Variants in HEMK2 observed in about 807,000 individuals in gnomAD.
The protein encoded by HEMK2 is methyltransferase HEMK2.
chr21:28,751,157 G>A, the HEMK2 span, among the ~76,000 whole-genome samples: 1 of 150,892 alleles, frequency 6.6e-6, no homozygotes. Flanking sequence ...TGTGAACCCG[G>A]GAGGCGGAGC....
chr21:28,809,697 T>C, the HEMK2 span, among the ~76,000 whole-genome samples: 8 of 152,332 alleles, frequency 5.3e-5, no homozygotes, highest in East Asian at 7.7e-4. Context: ...ATTTCTGCTA[T>C]GTGGATGAAA....
chr21:28,774,674 T>A, the HEMK2 span, among the ~76,000 whole-genome samples: 17 of 152,322 alleles, frequency 1.1e-4, no homozygotes, highest in East Asian at 3.3e-3. Flanking sequence ...AAATTAAATT[T>A]CTTATTCCTT....
the HEMK2 span, among the ~76,000 whole-genome samples, chr21:28,701,981 T>C: frequency 7.2e-5 from 11 of 151,948 alleles, no homozygotes; most frequent in East Asian, 2.1e-3. Flanking sequence ...TACAAAAACA[T>C]ATACACAGAC....
the HEMK2 span, among the ~76,000 whole-genome samples, chr21:28,611,545 C>G: frequency 3.2e-4 from 49 of 152,156 alleles, no homozygotes; most frequent in East Asian, 8.9e-3. Flanking sequence ...AATAAATAGA[C>G]TCTGAACAGA....
the HEMK2 span, among the ~76,000 whole-genome samples, chr21:28,711,542 T>G: frequency 6.6e-6 from 1 of 152,096 alleles, no homozygotes. Flanking sequence ...CTCACAATGT[T>G]TAGTGATAGA....
the HEMK2 span, among the ~76,000 whole-genome samples, chr21:28,862,708 A>G: frequency 6.6e-6 from 1 of 152,136 alleles, no homozygotes; most frequent in Non-Finnish European, 1.5e-5. Flanking sequence ...CTGCAGAAAG[A>G]AGGACTGTAA....
the HEMK2 span, among the ~76,000 whole-genome samples, chr21:28,639,404 T>C: frequency 6.6e-6 from 1 of 152,230 alleles, no homozygotes; most frequent in Non-Finnish European, 1.5e-5. Context: ...CACCCCCAGT[T>C]CTAGTGCCAA....
the HEMK2 span, among the ~76,000 whole-genome samples, chr21:28,618,426 G>C: frequency 1.8e-4 from 28 of 152,242 alleles, no homozygotes; most frequent in African/African-American, 6.3e-4. Context: ...TTGACACATA[G>C]TTCATAGTTT....
the HEMK2 span, among the ~76,000 whole-genome samples, chr21:28,674,286 A>T: frequency 6.6e-6 from 1 of 152,200 alleles, no homozygotes; most frequent in Non-Finnish European, 1.5e-5. Flanking sequence ...ACCATAAAAA[A>T]TTGGCAACCA....
At chr21:28,833,866 A>G in the HEMK2 span, among the ~76,000 whole-genome samples, 1 of 152,208 alleles carries the variant, frequency 6.6e-6, no homozygotes, top group Non-Finnish European at 1.5e-5. Context: ...TGTGCAGAAA[A>G]GAGTTAACTC....
chr21:28,877,978 G>C, the HEMK2 span, among the ~76,000 whole-genome samples: 1 of 152,102 alleles, frequency 6.6e-6, no homozygotes, highest in African/African-American at 2.4e-5. Context: ...GGGGAAAAGA[G>C]AAGATAATAC....
chr21:28,841,220 ATT>A, the HEMK2 span, among the ~76,000 whole-genome samples: 3 of 11,984 alleles, frequency 2.5e-4, 1 homozygote, highest in Non-Finnish European at 3.5e-4. Flanking sequence ...TATTATATAT[ATT>A]ATATATTATA....
At chr21:28,850,369 C>G in the HEMK2 span, among the ~76,000 whole-genome samples, 1 of 151,892 alleles carries the variant, frequency 6.6e-6, no homozygotes, top group Non-Finnish European at 1.5e-5. Flanking sequence ...GGACTACAGG[C>G]GCCCGCCACC....
chr21:28,792,851 C>T, the HEMK2 span, among the ~76,000 whole-genome samples: 1 of 152,136 alleles, frequency 6.6e-6, no homozygotes, highest in African/African-American at 2.4e-5. Flanking sequence ...ATCTTTTCAG[C>T]ATTTGCTCCC....
chr21:28,737,109 G>A, the HEMK2 span, among the ~76,000 whole-genome samples: 4 of 152,084 alleles, frequency 2.6e-5, no homozygotes, highest in African/African-American at 7.2e-5. Context: ...TTGTTGGTTG[G>A]TTGGTTGGTT....
At chr21:28,706,821 G>A in the HEMK2 span, among the ~76,000 whole-genome samples, 4 of 152,174 alleles carry the variant, frequency 2.6e-5, no homozygotes, top group Non-Finnish European at 2.9e-5. Context: ...CTTGGTAGCT[G>A]TATTCTCTGC....
the HEMK2 span, among the ~76,000 whole-genome samples, chr21:28,673,177 G>A: frequency 6.6e-6 from 1 of 151,542 alleles, no homozygotes; most frequent in East Asian, 1.9e-4. Context: ...GGGAGAGAGG[G>A]AGGGGAAGGG....
chr21:28,741,779 C>T, the HEMK2 span, among the ~76,000 whole-genome samples: 1,239 of 152,312 alleles, frequency 8.1e-3, 10 homozygotes, highest in Non-Finnish European at 0.011. Flanking sequence ...ATATGTACCA[C>T]ATTTTCTATA....
chr21:28,648,518 C>T, the HEMK2 span, among the ~76,000 whole-genome samples: 1 of 152,146 alleles, frequency 6.6e-6, no homozygotes, highest in Non-Finnish European at 1.5e-5. Flanking sequence ...GTGCCTCTCA[C>T]AGGAAAGGTA....
Sources: gnomAD v4.1 joint callset for allele counts (sites outside exome capture counted in the v4.1 genomes callset) on GRCh38, gnomAD v4.1.1 for gene constraint, MANE v1.5 for transcripts, NCBI Gene and HGNC (gene_info 2026-07-23, HGNC 2026-07-21) for gene names.